Variants in SLC9A8 observed in about 807,000 individuals in gnomAD.
SLC9A8 encodes solute carrier family 9 member A8.
Under a neutral mutation model 66.6 loss-of-function variants are expected in SLC9A8, and 48 were observed. That is an observed-to-expected ratio of 0.72 (90% CI 0.57 to 0.92). The LOEUF (loss-of-function observed/expected upper bound fraction) is 0.92, where lower values mean the gene tolerates loss of function less well. Among genes scored for constraint, SLC9A8 ranks in the 40% least tolerant of loss-of-function variants. SLC9A8 has a pLI of 0.00. For missense variants in SLC9A8, 599 were observed against 747.3 expected (o/e 0.80, Z 2.31); for synonymous variants, 274 against 282.6 (o/e 0.97, Z 0.31).
At chr20:49,864,908 C>T (rs940202661) in intron 10 of SLC9A8, 64 bp downstream of exon 10, 6 of 1,075,992 alleles carry the variant, frequency 5.6e-6, no homozygotes, top group African/African-American at 1.6e-5. Context: ...GGGAAAGAGG[C>T]TTTGTCAGTT....
chr20:49,821,727 G>C (rs1262930681), intron 2 of SLC9A8, among the ~76,000 whole-genome samples: 1 of 152,152 alleles, frequency 6.6e-6, no homozygotes, highest in African/African-American at 2.4e-5. Context: ...ATTTGGATTA[G>C]GAAATTACAT....
chr20:49,838,057 T>TAC (rs750545777), intron 3 of SLC9A8, among the ~76,000 whole-genome samples: 26 of 145,640 alleles, frequency 1.8e-4, no homozygotes, highest in African/African-American at 3.3e-4. Flanking sequence ...TGCATACACT[T>TAC]ACACACACAC....
Position 49,886,934 on chromosome 20 carries a change from C to T in SLC9A8, c.1638+36C>T. 3 of 1,589,738 alleles carry T rather than the reference C, an allele frequency of 1.9e-6. No homozygotes were observed. Among genetic ancestry groups the T allele is most frequent in the African/African-American group, 1.3e-5 (1 of 74,586 alleles). On this transcript the variant is annotated intron_variant, in intron 15 of 15. Transcript: ENST00000361573. The surrounding 1 kb of genome is among the most constrained non-coding windows in gnomAD (Gnocchi z 4.8). Reference sequence around the variant, plus strand: ...GGCCAGGCCACACTTTCTGGGGGTCCCTTGCCTGCCTCCTTCAGGACCTGC... The same window carrying T: ...GGCCAGGCCACACTTTCTGGGGGTCTCTTGCCTGCCTCCTTCAGGACCTGC...
chr20:49,886,634 T>G lies in SLC9A8; in HGVS notation c.1492-118T>G. 8.3e-7 allele frequency: 1 copy of G among 1,205,372 alleles called. No individual in the cohort carries two copies. The highest frequency in any genetic ancestry group is 1.2e-6 in the Non-Finnish European group (1 of 859,330). The allele number at this position is 1,205,372 out of a possible 1,614,324, so 74.7% of individuals were successfully genotyped here. ...TCTGCTGCCCGTCACCCTGCATTGA[T>G]GGTCAAGTGGAGTTAGGGTTGGGGA... is the stretch of plus-strand genomic sequence containing the variant. On this transcript the variant is annotated intron_variant, in intron 14 of 15. Transcript: ENST00000361573. The surrounding 1 kb of genome is among the most constrained non-coding windows in gnomAD (Gnocchi z 4.8).
At chr20:49,851,617 C>T (rs1046005528) in intron 7 of SLC9A8, among the ~76,000 whole-genome samples, 4 of 152,212 alleles carry the variant, frequency 2.6e-5, no homozygotes, top group African/African-American at 9.7e-5. Context: ...GATTTAGCAG[C>T]AGTTTAGCAA....
At chr20:49,851,373 G>C (rs772566537) in intron 7 of SLC9A8, among the ~76,000 whole-genome samples, 1 of 152,174 alleles carries the variant, frequency 6.6e-6, no homozygotes, top group East Asian at 1.9e-4. Context: ...GGATTTCCCA[G>C]AATTGCATAG....
rs1048463395 is a variant in SLC9A8, at chr20:49,886,613, C to T, written c.1492-139C>T. The T allele has an allele frequency of 7.8e-6, 8 of 1,021,936 alleles. No individual in the cohort carries two copies. In the African/African-American group the frequency reaches 1.1e-4, roughly 14 times the overall value. 63.3% of individuals were successfully genotyped at this position (1,021,936 alleles called of 1,614,324 possible). On this transcript the variant is annotated intron_variant, in intron 14 of 15. Transcript: ENST00000361573. The surrounding 1 kb of genome is among the most constrained non-coding windows in gnomAD (Gnocchi z 4.8). ...CTGCAGGCTCCCAGGAGGCCGTCTG[C>T]TGCCCGTCACCCTGCATTGATGGTC...
intron 10 of SLC9A8, among the ~76,000 whole-genome samples, chr20:49,874,260 C>G (rs1015042986): frequency 2.0e-5 from 3 of 151,734 alleles, no homozygotes; most frequent in Non-Finnish European, 4.4e-5. Context: ...CTCTGTCCCC[C>G]CCCCAAAAAA....
chr20:49,813,594 T>G (rs892062280), intron 1 of SLC9A8, among the ~76,000 whole-genome samples: 3 of 152,226 alleles, frequency 2.0e-5, no homozygotes, highest in African/African-American at 7.2e-5. Context: ...ATCCTACTGC[T>G]CAAGGTCATC....
intron 13 of SLC9A8, among the ~76,000 whole-genome samples, chr20:49,883,008 A>ACCCCCCACCCCCCT (rs2089689024): frequency 1.8e-4 from 11 of 62,330 alleles, no homozygotes; most frequent in Non-Finnish European, 3.6e-4. Context: ...GCCCCCCCCC[A>ACCCCCCACCCCCCT]CCCCCCACCC....
In SLC9A8 at chr20:49,880,933, C is replaced by A. The variant is rs1308556165; in HGVS notation, c.1168C>A (p.Leu390Ile). ...SFVIWCIVLVLFGRAVNIFPL... is the reference protein window; with the variant it reads ...SFVIWCIVLVIFGRAVNIFPL... ...TTGTTGCTATCAACAGGTGCTTGTA[C>A]TATTTGGCAGAGCGGTAAACATTTT... Residue 390 changes from leucine (L) to isoleucine (I), a missense_variant, in exon 13 of 16, where the codon CTA becomes ATA. Around this residue, in one of 2 missense-constraint regions of SLC9A8, gnomAD observed 467 missense variants for 626.5 expected, o/e 0.75. Transcript: ENST00000361573. 7 of 1,611,330 alleles carry A rather than the reference C, an allele frequency of 4.3e-6. No individual in the cohort carries two copies. Among genetic ancestry groups the A allele is most frequent in the Non-Finnish European group, 4.2e-6 (5 of 1,177,468 alleles).
intron 5 of SLC9A8, among the ~76,000 whole-genome samples, chr20:49,845,487 CAT>C (rs1481173252): frequency 7.2e-5 from 11 of 152,296 alleles, no homozygotes; most frequent in African/African-American, 2.6e-4. Context: ...ACGACGGGGA[CAT>C]GTGCCCCAGG....
intron 14 of SLC9A8, among the ~76,000 whole-genome samples, chr20:49,884,336 ACCC>A (rs57249630): frequency 9.2e-6 from 1 of 108,474 alleles, no homozygotes; most frequent in Non-Finnish European, 1.9e-5. Flanking sequence ...ACACACACAC[ACCC>A]CCCGGTCATC....
chr20:49,864,787 A>C lies in SLC9A8; in HGVS notation c.901A>C (p.Met301Leu), dbSNP rs369856632. Residue 301 changes from methionine to leucine, a missense_variant, in exon 10 of 16, where the codon ATG (methionine) becomes CTG (leucine). Met to Leu is a conservative substitution (Grantham distance 15). Around this residue, in one of 2 missense-constraint regions of SLC9A8, gnomAD observed 467 missense variants for 626.5 expected, o/e 0.75. Transcript: ENST00000361573. ...GAAAACGCCTTCCTTGGAGTTTGGC[A>C]TGATGATCATTTTTGCTTATCTGCC... is the stretch of plus-strand genomic sequence containing the variant. ...LRKTPSLEFG[M>L]MIIFAYLPYG... The C allele has an allele frequency of 5.0e-6, 8 of 1,614,078 alleles. No homozygotes were observed. The highest frequency in any genetic ancestry group is 6.8e-6 in the Non-Finnish European group (8 of 1,180,020).
At chr20:49,847,289 T>C (rs1465548545) in intron 5 of SLC9A8, among the ~76,000 whole-genome samples, 2 of 152,038 alleles carry the variant, frequency 1.3e-5, no homozygotes, top group Admixed American at 6.5e-5. Context: ...TAAGCAGATA[T>C]GAAAATATTT....
In SLC9A8 at chr20:49,890,856, C is replaced by CAA. The variant is rs1252250772; in HGVS notation, c.*2921_*2922dup. ...TGGGCTGGGCTGGCTGGCATGAGGC[C>CAA]AAGGGGTAGGCCTGAGCGCCAGAGT... On this transcript the variant is annotated 3_prime_UTR_variant, in exon 16 of 16. Transcript: ENST00000361573. 1.3e-5 allele frequency: 2 copies of CAA among 152,412 alleles called. No homozygotes were observed. The highest frequency in any genetic ancestry group is 3.9e-4 in the East Asian group (2 of 5,182). The allele number at this position is 152,412 out of a possible 1,614,324, so 9.4% of individuals were successfully genotyped here.
intron 8 of SLC9A8, among the ~76,000 whole-genome samples, chr20:49,861,522 G>A (rs1409054232): frequency 4.6e-5 from 7 of 152,120 alleles, no homozygotes; most frequent in African/African-American, 7.2e-5. Context: ...CTGCCTGGGT[G>A]ACAGAGTGAG....
At chr20:49,832,967 A>G (rs6091055) in intron 3 of SLC9A8, among the ~76,000 whole-genome samples, 31,498 of 151,456 alleles carry the variant, frequency 0.21, 3,295 homozygotes, top group African/African-American at 0.24. Flanking sequence ...GTGCAATGGC[A>G]TGGTCTCAGC....
intron 10 of SLC9A8, among the ~76,000 whole-genome samples, chr20:49,865,488 C>G (rs2088923777): frequency 6.6e-6 from 1 of 152,134 alleles, no homozygotes; most frequent in African/African-American, 2.4e-5. Flanking sequence ...ACTGCACAAG[C>G]AGTGGTGGTA....
Sources: gnomAD v4.1 joint callset for allele counts (sites outside exome capture counted in the v4.1 genomes callset) on GRCh38, gnomAD v4.1.1 for gene constraint, gnomAD v4.1.1 regional missense constraint, Gnocchi (gnomAD v3.1) non-coding constraint, MANE v1.5 for transcripts, NCBI Gene and HGNC (gene_info 2026-07-23, HGNC 2026-07-21) for gene names.